The following PPP2CB variants were observed in gnomAD, a reference collection of about 807,000 sequenced individuals.
PPP2CB encodes protein phosphatase 2 catalytic subunit beta.
Under a neutral mutation model 39.1 loss-of-function variants are expected in PPP2CB, and 18 were observed. The ratio of observed to expected loss-of-function variants is 0.46; its 90% CI spans 0.32 to 0.68. The LOEUF is 0.68. Among genes scored for constraint, PPP2CB ranks in the 30% least tolerant of loss-of-function variants. The probability of loss-of-function intolerance (pLI) is 0.04; values close to 1 mark genes in which losing one functional copy is unlikely to be tolerated. For missense variants in PPP2CB, 226 were observed against 396.9 expected, an observed-to-expected ratio of 0.57 and a Z score of 3.66; for synonymous variants, 129 against 133.8, an observed-to-expected ratio of 0.96 and a Z score of 0.25.
At chr8:30,790,754 A>AGGTG (rs1269158058) in intron 6 of PPP2CB, among the ~76,000 whole-genome samples, 4 of 152,060 alleles carry the variant, frequency 2.6e-5, no homozygotes, top group African/African-American at 9.7e-5. Flanking sequence ...AGACTAGGAG[A>AGGTG]GGTGAGATAT....
intron 1 of PPP2CB, 54 bp downstream of exon 1, chr8:30,812,266 G>C: frequency 7.4e-7 from 1 of 1,342,640 alleles, no homozygotes; most frequent in Non-Finnish European, 9.8e-7. Context: ...GGGCAGGAAA[G>C]CGGCGGCCCG....
At chr8:30,799,798 C>A (rs1354884071) in intron 1 of PPP2CB, 43 bp from the exon 2 acceptor site, 3 of 1,552,172 alleles carry the variant, frequency 1.9e-6, no homozygotes, top group Non-Finnish European at 2.6e-6. Context: ...TTAAAACTAT[C>A]ATTTCTTATC....
intron 2 of PPP2CB, among the ~76,000 whole-genome samples, chr8:30,798,517 C>T (rs1393312927): frequency 2.6e-5 from 4 of 152,140 alleles, no homozygotes; most frequent in Admixed American, 2.0e-4. Flanking sequence ...ATTACATGTA[C>T]GATGTTGGCT....
intron 3 of PPP2CB, 120 bp from the exon 4 acceptor site, chr8:30,794,401 C>T: frequency 1.1e-6 from 1 of 876,290 alleles, no homozygotes; most frequent in Non-Finnish European, 1.7e-6. Context: ...CATATTTTGT[C>T]CATCATTTTT....
chr8:30,812,725 CGGCCTAGCTCTCGCCGGACGAA>C lies in PPP2CB; in HGVS notation c.-326_-305del. On this transcript the variant is annotated 5_prime_UTR_variant, in exon 1 of 7. Transcript: ENST00000221138. Reference sequence around the variant, plus strand: ...TGCCGGGGAGCGCGGCGCGGGTCCTCGGCCTAGCTCTCGCCGGACGAAGGCCGCCCGCTGCCGCTTCAGGCCC... The same window carrying C: ...TGCCGGGGAGCGCGGCGCGGGTCCTCGGCCGCCCGCTGCCGCTTCAGGCCC... 2.2e-6 allele frequency: 1 copy of C among 461,948 alleles called. No homozygotes were observed. Among genetic ancestry groups the C allele is most frequent in the South Asian group, 1.6e-5 (1 of 62,394 alleles). The allele number at this position is 461,948 out of a possible 1,614,324, so 28.6% of individuals were successfully genotyped here. A position where few individuals can be genotyped will look rare whatever the true frequency, so the allele number is the denominator to read the frequency against.
intron 1 of PPP2CB, among the ~76,000 whole-genome samples, chr8:30,804,886 C>A (rs1038833186): frequency 6.6e-6 from 1 of 151,852 alleles, no homozygotes; most frequent in Non-Finnish European, 1.5e-5. Context: ...TCTATGACCA[C>A]CCTATTAAAA....
rs748735534 is a variant in PPP2CB, at chr8:30,799,694, C to A, written c.164G>T (p.Cys55Phe). Residue 55 changes from cysteine to phenylalanine, a missense_variant, in exon 2 of 7, where the codon TGT becomes TTT. This residue lies in a region of PPP2CB where 110 missense variants were observed against 244.1 expected (regional missense o/e 0.45). Transcript: ENST00000221138. ...ATGAAATTGACCATGCACATCTCCACAGACAGTAACAGGGCAACGAACCTC... is the reference window on the plus strand; with the variant it reads ...ATGAAATTGACCATGCACATCTCCAAAGACAGTAACAGGGCAACGAACCTC... ...VQEVRCPVTV[C>F]GDVHGQFHDL... 1.2e-6 allele frequency: 2 copies of A among 1,614,094 alleles called. No homozygotes were observed. Among genetic ancestry groups the A allele is most frequent in the African/African-American group, 2.7e-5 (2 of 75,040 alleles).
chr8:30,786,686 CAG>C (rs1455645049), intron 6 of PPP2CB, among the ~76,000 whole-genome samples: 3 of 124,178 alleles, frequency 2.4e-5, no homozygotes, highest in African/African-American at 6.4e-5. Context: ...TTTTTTGAGG[CAG>C]AGTCTTGCTC....
At chr8:30,803,879 C>T (rs4733513) in intron 1 of PPP2CB, among the ~76,000 whole-genome samples, 38,108 of 150,944 alleles carry the variant, frequency 0.25, 6,577 homozygotes, top group African/African-American at 0.48. Flanking sequence ...TGCAGTGGCG[C>T]GATCTCCATC....
intron 6 of PPP2CB, among the ~76,000 whole-genome samples, chr8:30,790,375 T>C (rs996978798): frequency 2.0e-5 from 3 of 152,230 alleles, no homozygotes; most frequent in African/African-American, 7.2e-5. Context: ...TCTGCTCTTT[T>C]GTATGTTGCT....
At chr8:30,794,158 T>C (rs760741322) in intron 4 of PPP2CB, 34 bp downstream of exon 4, 2 of 1,608,372 alleles carry the variant, frequency 1.2e-6, no homozygotes, top group Admixed American at 1.7e-5. Flanking sequence ...TATATTTTCT[T>C]TTCCTTTCTT....
chr8:30,798,193 C>G (rs1453079659), intron 2 of PPP2CB, among the ~76,000 whole-genome samples: 2 of 152,106 alleles, frequency 1.3e-5, no homozygotes, highest in African/African-American at 2.4e-5. Flanking sequence ...TTTTTATTTC[C>G]CACAGGAAGA....
intron 2 of PPP2CB, 92 bp from the exon 3 acceptor site, chr8:30,797,846 C>A: frequency 3.2e-6 from 4 of 1,261,410 alleles, no homozygotes; most frequent in Non-Finnish European, 4.4e-6. Flanking sequence ...TTAAACACGG[C>A]GCTTTTGGCC....
At chr8:30,792,187 T>C (rs112854854) in intron 5 of PPP2CB, among the ~76,000 whole-genome samples, 13,312 of 151,304 alleles carry the variant, frequency 0.088, 827 homozygotes, top group Admixed American at 0.19. Context: ...CCCGAGTAGT[T>C]GGGACTACAG....
chr8:30,799,708 G>T lies in PPP2CB; in HGVS notation c.150C>A (p.Cys50Ter). The T allele has an allele frequency of 6.2e-7, 1 of 1,613,974 alleles. No individual in the cohort carries two copies. The highest frequency in any genetic ancestry group is 8.5e-7 in the Non-Finnish European group (1 of 1,179,972). Residue 50 changes from cysteine to a stop codon, truncating the protein, a stop_gained, in exon 2 of 7, where the codon TGC becomes TGA. Transcript: ENST00000221138. LOFTEE classifies it high-confidence loss of function. Reference sequence around the variant, plus strand: ...GCACATCTCCACAGACAGTAACAGGGCAACGAACCTCTTGCACATTTGATT... The same window carrying T: ...GCACATCTCCACAGACAGTAACAGGTCAACGAACCTCTTGCACATTTGATT... ...TKESNVQEVRCPVTVCGDVHG... is the reference protein window; with the variant it reads ...TKESNVQEVR
At chr8:30,796,728 G>C (rs966285939) in intron 3 of PPP2CB, among the ~76,000 whole-genome samples, 1 of 152,156 alleles carries the variant, frequency 6.6e-6, no homozygotes, top group Admixed American at 6.5e-5. Context: ...CATGCTTACA[G>C]TGATTATCTC....
In PPP2CB at chr8:30,802,853, A is replaced by C. The variant is rs138989294; in HGVS notation, c.103-3098T>G. 2.6e-3 allele frequency among the ~76,000 whole-genome samples: 398 copies of C among 152,358 alleles called. 2 individuals are homozygous for C. The highest frequency in any genetic ancestry group is 9.1e-3 in the African/African-American group (378 of 41,570). On this transcript the variant is annotated intron_variant, in intron 1 of 6. Transcript: ENST00000221138. ...TATATTATGCTAAAAGAGAGAAGCC[A>C]AACACACAAGACATAACCCTGGAAA...
chr8:30,792,353 T>G (rs949739750), intron 5 of PPP2CB, among the ~76,000 whole-genome samples: 4 of 150,200 alleles, frequency 2.7e-5, no homozygotes, highest in African/African-American at 9.8e-5. Flanking sequence ...CCACGCCAGC[T>G]CATTAGCTAT....
chr8:30,797,844 G>T, intron 2 of PPP2CB, 90 bp from the exon 3 acceptor site: 1 of 1,282,882 alleles, frequency 7.8e-7, no homozygotes, highest in Non-Finnish European at 1.1e-6. Flanking sequence ...TTTTAAACAC[G>T]GCGCTTTTGG....
Sources: allele counts gnomAD v4.1 joint callset (sites outside exome capture counted in the v4.1 genomes callset), GRCh38; gene constraint gnomAD v4.1.1; regional missense constraint gnomAD v4.1.1; transcripts MANE v1.5; gene names NCBI Gene and HGNC (gene_info 2026-07-23, HGNC 2026-07-21).